Variants in TERF2IP observed in about 807,000 individuals in gnomAD.
The protein encoded by TERF2IP is TERF2 interacting protein.
TERF2IP carries 35 observed loss-of-function variants against 33.3 expected under a neutral mutation model. The observed-to-expected ratio is 1.05, with a 90% CI of 0.80 to 1.39. The LOEUF (loss-of-function observed/expected upper bound fraction) is 1.39. Ranked by LOEUF, TERF2IP falls within the 40% of genes most tolerant of loss-of-function variation. The probability of loss-of-function intolerance (pLI) is 0.00; values close to 1 mark genes in which losing one functional copy is unlikely to be tolerated. For synonymous variants in TERF2IP, 253 were observed against 223.2 expected, an observed-to-expected ratio of 1.13 and a Z score of -1.19; for missense variants, 583 against 524.8, an observed-to-expected ratio of 1.11 and a Z score of -1.08.
rs566381436 is a variant in TERF2IP, at chr16:75,656,422, A to T, written c.1011A>T (p.Leu337=). The T allele has an allele frequency of 3.7e-6, 6 of 1,614,186 alleles. No homozygotes were observed. In the South Asian group the frequency reaches 5.5e-5, roughly 15 times the overall value. Residue 337 remains leucine, a synonymous_variant, in exon 3 of 3, where the codon CTA becomes CTT. Transcript: ENST00000300086. ...TATCAACAGTTACACAGGCCTTCCT[A>T]AAAAATAGTGGTGAGCTGGAGGCTA... ...LDLSTVTQAF[L]KNSGELEATS...
At position 75,656,217 on chromosome 16, in the gene TERF2IP, G is replaced by A. The variant is rs2082384256; in HGVS notation, c.806G>A (p.Ser269Asn). 6.2e-7 allele frequency: 1 copy of A among 1,606,886 alleles called. No individual in the cohort carries two copies. The highest frequency in any genetic ancestry group is 8.5e-7 in the Non-Finnish European group (1 of 1,176,208). The change falls in exon 3 of 3, where the codon AGC becomes AAC. Residue 269 changes from serine to asparagine, a missense_variant. Ser to Asn is a conservative substitution (Grantham distance 46, BLOSUM62 1). Transcript: ENST00000300086. ...CATCATTCTGTCTAGGTGGATGAGAGCCCTCCTGATTTTGAAATACATATA... is the reference window on the plus strand; with the variant it reads ...CATCATTCTGTCTAGGTGGATGAGAACCCTCCTGATTTTGAAATACATATA... ...REFEEVVVDE[S>N]PPDFEIHITM...
chr16:75,656,635 A>C lies in TERF2IP; in HGVS notation c.*24A>C. ...AATTGGCAAGATAATGAGAAAAGAA[A>C]AAAGTCATGGTAGGTGAGGTGGTTA... On this transcript the variant is annotated 3_prime_UTR_variant, in exon 3 of 3. Coordinates refer to ENST00000300086, the MANE Select transcript of TERF2IP (RefSeq NM_018975.4). The C allele has an allele frequency of 6.4e-7, 1 of 1,570,108 alleles. No homozygotes were observed. The highest frequency in any genetic ancestry group is 8.6e-7 in the Non-Finnish European group (1 of 1,160,400).
At chr16:75,650,410 A>G (rs1259674519) in intron 1 of TERF2IP, among the ~76,000 whole-genome samples, 3 of 152,250 alleles carry the variant, frequency 2.0e-5, no homozygotes, top group Non-Finnish European at 4.4e-5. Flanking sequence ...TTGGAGCCAC[A>G]AAGAGAACAG....
chr16:75,655,765 G>T (rs562758575), intron 2 of TERF2IP, among the ~76,000 whole-genome samples: 62 of 152,262 alleles, frequency 4.1e-4, no homozygotes, highest in Admixed American at 7.8e-4. Context: ...TTGGAGATGT[G>T]GTGATGAACA....
intron 1 of TERF2IP, 101 bp downstream of exon 1, chr16:75,648,653 C>G (rs879819000): frequency 2.1e-6 from 3 of 1,437,484 alleles, no homozygotes; most frequent in Admixed American, 2.8e-5. Flanking sequence ...TCGGTAGCAG[C>G]GCTTGGCCCC....
chr16:75,655,175 C>T (rs1014308905), intron 2 of TERF2IP, among the ~76,000 whole-genome samples: 16 of 152,202 alleles, frequency 1.1e-4, no homozygotes, highest in African/African-American at 3.9e-4. Context: ...TGCCATCATG[C>T]CCAGCTACTT....
Position 75,656,692 on chromosome 16 carries a change from T to C in TERF2IP, c.*81T>C. On this transcript the variant is annotated 3_prime_UTR_variant, in exon 3 of 3. Transcript: ENST00000300086. ...ATTGTGACCAATGAACTTTAGAGAG[T>C]TCTTGCATTGGAACTGGCACTTATT... is the stretch of plus-strand genomic sequence containing the variant. 1.5e-6 allele frequency: 2 copies of C among 1,346,260 alleles called. No homozygotes were observed. Among genetic ancestry groups the C allele is most frequent in the Non-Finnish European group, 2.0e-6 (2 of 984,850 alleles). 83.4% of individuals were successfully genotyped at this position (1,346,260 alleles called of 1,614,324 possible).
intron 2 of TERF2IP, 25 bp downstream of exon 2, chr16:75,654,422 A>T: frequency 6.2e-7 from 1 of 1,604,250 alleles, no homozygotes; most frequent in Non-Finnish European, 8.5e-7. Flanking sequence ...TTTACTCATT[A>T]TTTTTTTCCC....
chr16:75,653,381 G>C (rs531283472), intron 1 of TERF2IP, among the ~76,000 whole-genome samples: 1 of 152,150 alleles, frequency 6.6e-6, no homozygotes, highest in Non-Finnish European at 1.5e-5. Context: ...TTGAGGAACT[G>C]CTGTACTCTT....
chr16:75,655,200 T>A (rs909384398), intron 2 of TERF2IP, among the ~76,000 whole-genome samples: 2 of 152,242 alleles, frequency 1.3e-5, no homozygotes, highest in African/African-American at 2.4e-5. Context: ...TAATTTTTTT[T>A]ATCAAGCAAA....
intron 1 of TERF2IP, among the ~76,000 whole-genome samples, chr16:75,649,024 G>A (rs2082326411): frequency 1.3e-5 from 2 of 150,424 alleles, no homozygotes; most frequent in African/African-American, 4.9e-5. Flanking sequence ...ACCACGTCCC[G>A]CTAAATTAAA....
chr16:75,655,732 C>G (rs965826970), intron 2 of TERF2IP, among the ~76,000 whole-genome samples: 1 of 152,198 alleles, frequency 6.6e-6, no homozygotes, highest in African/African-American at 2.4e-5. Context: ...TGAGTACTTA[C>G]TATGTATAGG....
chr16:75,656,687 G>GAT lies in TERF2IP; in HGVS notation c.*77_*78insTA. On this transcript the variant is annotated 3_prime_UTR_variant, in exon 3 of 3. Coordinates refer to ENST00000300086, the MANE Select transcript of TERF2IP (RefSeq NM_018975.4). ...AAAAAATTGTGACCAATGAACTTTA[G>GAT]AGAGTTCTTGCATTGGAACTGGCAC... 1 of 1,393,304 alleles carries GAT rather than the reference G, an allele frequency of 7.2e-7. No homozygotes were observed. Among genetic ancestry groups the GAT allele is most frequent in the Non-Finnish European group, 9.8e-7 (1 of 1,024,984 alleles). 86.3% of individuals were successfully genotyped at this position (1,393,304 alleles called of 1,614,324 possible).
chr16:75,655,638 GGCCTCTTCTCATATA>G (rs2082378929), intron 2 of TERF2IP, among the ~76,000 whole-genome samples: 1 of 152,122 alleles, frequency 6.6e-6, no homozygotes, highest in African/African-American at 2.4e-5. Flanking sequence ...GACCTACCTA[GGCCTCTTCTCATATA>G]GCATGCTTTG....
chr16:75,654,789 T>C (rs975994881), intron 2 of TERF2IP, among the ~76,000 whole-genome samples: 6 of 152,162 alleles, frequency 3.9e-5, no homozygotes, highest in Non-Finnish European at 5.9e-5. Flanking sequence ...AGTGCAGTGG[T>C]GCGATCTTGG....
chr16:75,648,766 G>T, intron 1 of TERF2IP: 1 of 1,365,478 alleles, frequency 7.3e-7, no homozygotes, highest in Non-Finnish European at 9.6e-7. Flanking sequence ...TGTTACCTAA[G>T]CTGGTCTGAA....
In TERF2IP at chr16:75,647,933, C is replaced by T. The variant is rs756156157; in HGVS notation, c.51C>T (p.Ser17=). The T allele has an allele frequency of 1.9e-6, 3 of 1,613,012 alleles. No individual in the cohort carries two copies. The highest frequency in any genetic ancestry group is 2.5e-6 in the Non-Finnish European group (3 of 1,179,236). Residue 17 remains serine, a synonymous_variant, in exon 1 of 3, where the codon TCC becomes TCT. Transcript: ENST00000300086. ...LGKDPNGPTH[S]STLFVRDDGS... ...AAGACCCCAACGGGCCCACCCATTCCTCGACTCTGTTCGTGAGGGACGACG... is the reference window on the plus strand; with the variant it reads ...AAGACCCCAACGGGCCCACCCATTCTTCGACTCTGTTCGTGAGGGACGACG...
intron 2 of TERF2IP, among the ~76,000 whole-genome samples, chr16:75,655,865 G>A (rs77124775): frequency 0.031 from 4,702 of 151,838 alleles, 114 homozygotes; most frequent in African/African-American, 0.067. Context: ...GCACATATAT[G>A]TGTCTCTCTC....
chr16:75,648,801 G>A, intron 1 of TERF2IP: 1 of 1,075,314 alleles, frequency 9.3e-7, no homozygotes, highest in South Asian at 2.3e-5. Flanking sequence ...CGATCCTCCT[G>A]CCTCGGCCAC....
Sources: gnomAD v4.1 joint callset for allele counts (sites outside exome capture counted in the v4.1 genomes callset) on GRCh38, gnomAD v4.1.1 for gene constraint, MANE v1.5 for transcripts, NCBI Gene and HGNC (gene_info 2026-07-23, HGNC 2026-07-21) for gene names.